ARMH3: variants seen among roughly 807,000 people sequenced by gnomAD.
ARMH3 encodes the protein armadillo-like helical domain-containing protein 3.
Under a neutral mutation model 99.1 loss-of-function variants are expected in ARMH3, and 60 were observed. The ratio of observed to expected loss-of-function variants is 0.61; its 90% CI spans 0.49 to 0.75. The LOEUF (loss-of-function observed/expected upper bound fraction) is 0.75. ARMH3 is among the 30% of genes least tolerant of loss of function. ARMH3 has a pLI of 0.00. For missense variants in ARMH3, 679 were observed against 843.1 expected (o/e 0.81, Z 2.41); for synonymous variants, 285 against 292.8 (o/e 0.97, Z 0.27).
intron 24 of ARMH3, among the ~76,000 whole-genome samples, chr10:101,868,442 G>A (rs1161386450): frequency 1.3e-5 from 2 of 152,146 alleles, no homozygotes; most frequent in African/African-American, 4.8e-5. Context: ...AAAAATGTTA[G>A]ACAGAAATTA....
At chr10:101,966,799 T>C (rs914784497) in intron 20 of ARMH3, among the ~76,000 whole-genome samples, 2 of 152,158 alleles carry the variant, frequency 1.3e-5, no homozygotes, top group African/African-American at 4.8e-5. Flanking sequence ...TGAGAACTTC[T>C]CCAGGACTAA....
At chr10:101,957,584 T>C (rs1845096900) in intron 21 of ARMH3, 66 bp downstream of exon 21, 4 of 1,522,504 alleles carry the variant, frequency 2.6e-6, no homozygotes, top group Admixed American at 2.2e-5. Flanking sequence ...AGCTCCTGTT[T>C]CAAACCAGTG....
intron 1 of ARMH3, among the ~76,000 whole-genome samples, chr10:102,040,645 T>C (rs2067388714): frequency 6.6e-6 from 1 of 152,176 alleles, no homozygotes; most frequent in Admixed American, 6.6e-5. Context: ...CAACACATTT[T>C]ACATTCTTAA....
chr10:101,929,167 T>C (rs980114226), intron 23 of ARMH3, among the ~76,000 whole-genome samples: 2 of 152,244 alleles, frequency 1.3e-5, no homozygotes, highest in African/African-American at 2.4e-5. Context: ...ATTATCTAAG[T>C]ACTGTGTCCT....
chr10:102,017,868 C>T (rs12415071), intron 8 of ARMH3, among the ~76,000 whole-genome samples: 11,990 of 152,228 alleles, frequency 0.079, 603 homozygotes, highest in East Asian at 0.15. Flanking sequence ...TCCTTTCTCA[C>T]GGCCTCCCCT....
chr10:101,909,597 G>A (rs1842786629), intron 23 of ARMH3, among the ~76,000 whole-genome samples: 1 of 150,818 alleles, frequency 6.6e-6, no homozygotes, highest in Admixed American at 6.6e-5. Flanking sequence ...AGCCGCCTGA[G>A]TAGCTGAAAC....
intron 8 of ARMH3, among the ~76,000 whole-genome samples, chr10:102,022,364 C>A (rs530909760): frequency 6.6e-6 from 1 of 150,634 alleles, no homozygotes; most frequent in African/African-American, 2.4e-5. Context: ...TGGTGGTGGG[C>A]GCCTGTAGTC....
At chr10:101,872,679 T>C (rs922474644) in intron 24 of ARMH3, among the ~76,000 whole-genome samples, 9 of 151,974 alleles carry the variant, frequency 5.9e-5, no homozygotes, top group African/African-American at 2.2e-4. Flanking sequence ...AATAAGTGGC[T>C]GGGCATGGTG....
intron 20 of ARMH3, among the ~76,000 whole-genome samples, chr10:101,967,003 A>G (rs1336816573): frequency 6.6e-6 from 1 of 152,216 alleles, no homozygotes; most frequent in Admixed American, 6.5e-5. Flanking sequence ...ACAAACTAAT[A>G]TCTCCAAAGA....
intron 23 of ARMH3, among the ~76,000 whole-genome samples, chr10:101,912,658 TTC>T (rs1280389260): frequency 4.6e-5 from 7 of 152,204 alleles, no homozygotes; most frequent in Non-Finnish European, 8.8e-5. Context: ...TGGCTTTTAT[TTC>T]TTTTTCTTGC....
At chr10:101,941,045 T>C (rs1844220765) in intron 22 of ARMH3, among the ~76,000 whole-genome samples, 1 of 152,152 alleles carries the variant, frequency 6.6e-6, no homozygotes, top group Non-Finnish European at 1.5e-5. Flanking sequence ...TAATGTAGCA[T>C]ACAGATGAGG....
At chr10:101,852,656 G>A (rs915062914) in intron 24 of ARMH3, among the ~76,000 whole-genome samples, 4 of 152,012 alleles carry the variant, frequency 2.6e-5, no homozygotes, top group African/African-American at 4.8e-5. Flanking sequence ...GGCTGAGGCA[G>A]GAGAATTGCT....
chr10:101,912,789 C>T (rs1440455476), intron 23 of ARMH3, among the ~76,000 whole-genome samples: 2 of 152,182 alleles, frequency 1.3e-5, no homozygotes, highest in Non-Finnish European at 2.9e-5. Context: ...AATATGACAG[C>T]TTGTAGGTTT....
intron 6 of ARMH3, among the ~76,000 whole-genome samples, chr10:102,024,003 C>T (rs1406347051): frequency 6.6e-6 from 1 of 152,222 alleles, no homozygotes; most frequent in Non-Finnish European, 1.5e-5. Flanking sequence ...CATGCATTCG[C>T]TTAACAGTTT....
chr10:101,944,265 TATATATATAGAGAG>T (rs1844387947), intron 22 of ARMH3, among the ~76,000 whole-genome samples: 4 of 56,466 alleles, frequency 7.1e-5, no homozygotes, highest in African/African-American at 1.8e-4. Flanking sequence ...TATATATATA[TATATATATAGAGAG>T]AGAGAGAGAG....
In ARMH3 at chr10:101,889,486, T is replaced by C; in HGVS notation, c.1786A>G (p.Ile596Val). The C allele has an allele frequency of 6.2e-7, 1 of 1,612,256 alleles. No homozygotes were observed. Residue 596 changes from isoleucine to valine, a missense_variant, in exon 24 of 26, where the codon ATC becomes GTC. Around this residue, in one of 3 missense-constraint regions of ARMH3, gnomAD observed 389 missense variants for 456.5 expected, o/e 0.85. Coordinates refer to ENST00000370033, the MANE Select transcript of ARMH3 (RefSeq NM_024541.3). ...ATTTTGGGGTTAAAGTGGTTGATGA[T>C]GGCTCTGAAACAAAGAATTCGTATT... ...VTHALVNIRA[I>V]INHFNPKIES...
chr10:101,890,872 ATT>A (rs1313468909), intron 23 of ARMH3, among the ~76,000 whole-genome samples: 60 of 130,804 alleles, frequency 4.6e-4, no homozygotes, highest in Middle Eastern at 4.1e-3. Flanking sequence ...CCTGACTGGT[ATT>A]TTTTTTTTTT....
At position 101,847,402 on chromosome 10, in the gene ARMH3, AC is replaced by A; in HGVS notation, c.*125del. The A allele has an allele frequency of 1.1e-6, 1 of 940,126 alleles. No homozygotes were observed. 58.2% of individuals were successfully genotyped at this position (940,126 alleles called of 1,614,324 possible). A position where few individuals can be genotyped will look rare whatever the true frequency, so the allele number is the denominator to read the frequency against. On this transcript the variant is annotated 3_prime_UTR_variant, in exon 26 of 26. Transcript: ENST00000370033. ...CAAGCTCCATTGAAGTGCGGTCTTC[AC>A]CAAGAGAACTTGGTATCTGTGTTTC...
At chr10:102,046,286 GAGAGAGAAAGAA>G (rs1428494643) in intron 1 of ARMH3, among the ~76,000 whole-genome samples, 1 of 150,152 alleles carries the variant, frequency 6.7e-6, no homozygotes, top group South Asian at 2.1e-4. Context: ...AAGAGAGGGA[GAGAGAGAAAGAA>G]AGAGAGAAAG....
Sources: allele counts gnomAD v4.1 joint callset (sites outside exome capture counted in the v4.1 genomes callset), GRCh38; gene constraint gnomAD v4.1.1; regional missense constraint gnomAD v4.1.1; transcripts MANE v1.5; gene names NCBI Gene and HGNC (gene_info 2026-07-23, HGNC 2026-07-21).